The following L3MBTL2 variants were observed in gnomAD, a reference collection of about 807,000 sequenced individuals.
L3MBTL2 encodes lethal(3)malignant brain tumor-like protein 2.
L3MBTL2 carries 49 observed loss-of-function variants against 86.4 expected under a neutral mutation model. The ratio of observed to expected loss-of-function variants is 0.57; its 90% CI spans 0.45 to 0.72. L3MBTL2 has a LOEUF of 0.72. Ranked by LOEUF, L3MBTL2 falls within the 30% of genes least tolerant of loss-of-function variation. L3MBTL2 has a pLI of 0.00. For missense variants in L3MBTL2, 755 were observed against 923.7 expected (o/e 0.82, Z 2.37); for synonymous variants, 336 against 350.6 (o/e 0.96, Z 0.47).
chr22:41,224,651 A>G lies in L3MBTL2; in HGVS notation c.1175-74A>G. On this transcript the variant is annotated intron_variant, in intron 9 of 16. Coordinates refer to ENST00000216237, the MANE Select transcript of L3MBTL2 (RefSeq NM_031488.5). This position sits in a 1 kb window ranked among gnomAD's most constrained non-coding sequence, Gnocchi z 4.9. ...CAGAGCAGCCCCACATTCCCAGGGG[A>G]GGCGTGTGGAGATGGCCCAGGAGCC... is the stretch of plus-strand genomic sequence containing the variant. The G allele has an allele frequency of 1.9e-6, 2 of 1,052,302 alleles. No homozygotes were observed. The highest frequency in any genetic ancestry group is 2.6e-5 in the South Asian group (2 of 77,370). 65.2% of individuals were successfully genotyped at this position (1,052,302 alleles called of 1,614,324 possible). A position where few individuals can be genotyped will look rare whatever the true frequency, so the allele number is the denominator to read the frequency against.
Position 41,219,545 on chromosome 22 carries a change from T to G in L3MBTL2, c.718+9T>G. 5 of 1,584,830 alleles carry G rather than the reference T, an allele frequency of 3.2e-6. No homozygotes were observed. The highest frequency in any genetic ancestry group is 4.3e-6 in the Non-Finnish European group (5 of 1,153,698). On this transcript the variant is annotated intron_variant, in intron 6 of 16. Transcript: ENST00000216237. ...TGTCATCCAGACAGCAGGTGAGTGT[T>G]TGGCCAGGGCAGGGCCAGGGATGTG...
rs371445315 is a variant in L3MBTL2 at position 41,215,492 on chromosome 22, T to C, written c.397-647T>C. ...TTGGGACTTAAACCCAGATTTCTGC[T>C]TCACTGATCTCTTTAGTAAATTCCT... On this transcript the variant is annotated intron_variant, in intron 3 of 16. Coordinates refer to ENST00000216237, the MANE Select transcript of L3MBTL2 (RefSeq NM_031488.5). Among the ~76,000 whole-genome samples the C allele has an allele frequency of 1.2e-4, 18 of 152,372 alleles. 2 individuals are homozygous for C. The South Asian group carries it at 3.1e-3, about 26-fold the overall frequency.
chr22:41,219,559 G>GCCCTGC, intron 6 of L3MBTL2, 23 bp downstream of exon 6: 1 of 1,482,326 alleles, frequency 6.7e-7, no homozygotes, highest in Non-Finnish European at 9.4e-7. Context: ...CCAGGGCAGG[G>GCCCTGC]CCAGGGATGT....
In L3MBTL2 at chr22:41,227,737, C is replaced by G; in HGVS notation, c.1823-67C>G. On this transcript the variant is annotated intron_variant, in intron 14 of 16. Coordinates refer to ENST00000216237, the MANE Select transcript of L3MBTL2 (RefSeq NM_031488.5). The surrounding 1 kb of genome is among the most constrained non-coding windows in gnomAD (Gnocchi z 6.0). Reference sequence around the variant, plus strand: ...GGAGGGTGGATGGGGTCTCGGGATGCGCCTGTGCCCTGTGTCCTCCCAGGG... The same window carrying G: ...GGAGGGTGGATGGGGTCTCGGGATGGGCCTGTGCCCTGTGTCCTCCCAGGG... 6.2e-7 allele frequency: 1 copy of G among 1,609,304 alleles called. No individual in the cohort carries two copies. Among genetic ancestry groups the G allele is most frequent in the Non-Finnish European group, 8.5e-7 (1 of 1,177,006 alleles).
At chr22:41,226,225 C>T (rs1412158086) in intron 12 of L3MBTL2, among the ~76,000 whole-genome samples, 8 of 151,986 alleles carry the variant, frequency 5.3e-5, no homozygotes, top group African/African-American at 1.4e-4. Flanking sequence ...TACAGTGAGC[C>T]GAGATCATGC....
chr22:41,217,367 A>C, intron 5 of L3MBTL2, 165 bp downstream of exon 5: 1 of 602,434 alleles, frequency 1.7e-6, no homozygotes, highest in Non-Finnish European at 3.0e-6. Context: ...ATGTCAAAAA[A>C]ATCCTCCTAC....
At position 41,230,520 on chromosome 22, in the gene L3MBTL2, C is replaced by T; in HGVS notation, c.*269C>T. 2.2e-6 allele frequency: 1 copy of T among 456,444 alleles called. No homozygotes were observed. Among genetic ancestry groups the T allele is most frequent in the Non-Finnish European group, 3.9e-6 (1 of 254,846 alleles). The allele number at this position is 456,444 out of a possible 1,614,324, so 28.3% of individuals were successfully genotyped here. A position where few individuals can be genotyped will look rare whatever the true frequency, so the allele number is the denominator to read the frequency against. On this transcript the variant is annotated 3_prime_UTR_variant, in exon 17 of 17. Coordinates refer to ENST00000216237, the MANE Select transcript of L3MBTL2 (RefSeq NM_031488.5). The stretch of plus-strand genomic sequence containing the variant: ...GAACCACCTTTTCCAGCCAGAGTTC[C>T]CAAAGCTGGAACGCTAGCTGCCTGC...
At chr22:41,207,357 C>T (rs1490732115) in intron 1 of L3MBTL2, among the ~76,000 whole-genome samples, 1 of 150,688 alleles carries the variant, frequency 6.6e-6, no homozygotes, top group Non-Finnish European at 1.5e-5. Context: ...GTTCCTCCCA[C>T]CTCAGCCTCC....
In L3MBTL2 at chr22:41,225,901, C is replaced by A; in HGVS notation, c.1464C>A (p.Thr488=). The A allele has an allele frequency of 1.2e-6, 2 of 1,614,158 alleles. No individual in the cohort carries two copies. The highest frequency in any genetic ancestry group is 1.7e-6 in the Non-Finnish European group (2 of 1,180,032). The change falls in exon 12 of 17, where the codon ACC becomes ACA. Residue 488 remains threonine, a synonymous_variant. Transcript: ENST00000216237. This position sits in a 1 kb window ranked among gnomAD's most constrained non-coding sequence, Gnocchi z 4.1. ...CTTCCCACGCCATCTTCCCGGCCAC[C>A]TTCTGTCAGAAGAATGACATTGAGC... is the stretch of plus-strand genomic sequence containing the variant. ...HASSHAIFPA[T]FCQKNDIELT... is the part of the protein sequence containing the mutation.
intron 16 of L3MBTL2, 50 bp from the exon 17 acceptor site, chr22:41,230,089 C>CCCCCCCCCCTTTTTTT: frequency 3.4e-6 from 3 of 873,242 alleles, no homozygotes; most frequent in South Asian, 1.6e-5. Context: ...GCCCCCACCC[C>CCCCCCCCCCTTTTTTT]TCCCAGAGTT....
At chr22:41,210,628 T>A (rs1281714106) in intron 2 of L3MBTL2, among the ~76,000 whole-genome samples, 1 of 151,906 alleles carries the variant, frequency 6.6e-6, no homozygotes, top group Non-Finnish European at 1.5e-5. Flanking sequence ...CGCGCCAGCC[T>A]AACTTTTGTA....
In L3MBTL2 at chr22:41,216,128, C is replaced by T. The variant is rs1443863324; in HGVS notation, c.397-11C>T. 3 of 1,610,094 alleles carry T rather than the reference C, an allele frequency of 1.9e-6. No individual in the cohort carries two copies. The highest frequency in any genetic ancestry group is 1.7e-4 in the Middle Eastern group (1 of 6,060). On this transcript the variant is annotated splice_polypyrimidine_tract_variant and intron_variant, in intron 3 of 16. Coordinates refer to ENST00000216237, the MANE Select transcript of L3MBTL2 (RefSeq NM_031488.5). ...CGCCAGGCTACACATAGCCTCTGTC[C>T]TCCTCTCCAGGGAAAACCACCGACC... is the stretch of plus-strand genomic sequence containing the variant.
At chr22:41,216,006 TCA>T in intron 3 of L3MBTL2, 131 bp from the exon 4 acceptor site, 1 of 1,010,802 alleles carries the variant, frequency 9.9e-7, no homozygotes, top group Non-Finnish European at 1.4e-6. Context: ...CATCACTGTT[TCA>T]CACATGAAGA....
chr22:41,226,274 C>T (rs1021038424), intron 12 of L3MBTL2, among the ~76,000 whole-genome samples: 2 of 152,148 alleles, frequency 1.3e-5, no homozygotes, highest in African/African-American at 4.8e-5. Context: ...AAGACTCTGT[C>T]TTCAAAACAA....
intron 1 of L3MBTL2, among the ~76,000 whole-genome samples, chr22:41,207,599 T>C (rs1281451246): frequency 1.3e-5 from 2 of 152,188 alleles, no homozygotes; most frequent in African/African-American, 4.8e-5. Flanking sequence ...ATTGACTTGC[T>C]GCAGGTCATA....
intron 15 of L3MBTL2, chr22:41,228,480 G>A (rs2032347650): frequency 2.0e-6 from 2 of 985,324 alleles, no homozygotes; most frequent in African/African-American, 1.7e-5. Context: ...TGACAGCGAG[G>A]TGGGCTCCAC....
rs1250392504 is a variant in L3MBTL2 at position 41,225,026 on chromosome 22, T to C, written c.1311T>C (p.Ile437=). The C allele has an allele frequency of 4.3e-6, 7 of 1,614,056 alleles. No homozygotes were observed. The East Asian group carries it at 1.3e-4, about 31-fold the overall frequency. ...WFEEGMKLEA[I]DPLNLGNICV... Reference sequence around the variant, plus strand: ...AGGAAGGGATGAAGCTGGAGGCCATTGACCCCCTGAATCTGGGCAACATCT... The same window carrying C: ...AGGAAGGGATGAAGCTGGAGGCCATCGACCCCCTGAATCTGGGCAACATCT... The change falls in exon 11 of 17, where the codon ATT becomes ATC. Residue 437 remains isoleucine, a synonymous_variant. Coordinates refer to ENST00000216237, the MANE Select transcript of L3MBTL2 (RefSeq NM_031488.5). This position sits in a 1 kb window ranked among gnomAD's most constrained non-coding sequence, Gnocchi z 4.1.
At chr22:41,219,340 G>T in intron 5 of L3MBTL2, 79 bp from the exon 6 acceptor site, 1 of 1,047,562 alleles carries the variant, frequency 9.5e-7, no homozygotes, top group South Asian at 1.3e-5. Context: ...ACGAGGACTT[G>T]ACTGAGGCCG....
At chr22:41,211,553 T>G (rs1177622039) in intron 2 of L3MBTL2, among the ~76,000 whole-genome samples, 1 of 96,416 alleles carries the variant, frequency 1.0e-5, no homozygotes, top group Non-Finnish European at 1.9e-5. Flanking sequence ...TTGAATCTTA[T>G]TTCCTTTTTT....
Sources: allele counts gnomAD v4.1 joint callset (sites outside exome capture counted in the v4.1 genomes callset), GRCh38; gene constraint gnomAD v4.1.1; non-coding constraint Gnocchi (gnomAD v3.1); transcripts MANE v1.5; gene names NCBI Gene and HGNC (gene_info 2026-07-23, HGNC 2026-07-21).